ITGA4: variants seen among roughly 807,000 people sequenced by gnomAD.
The protein encoded by ITGA4 is integrin subunit alpha 4.
In ITGA4, 63 loss-of-function variants were observed where a neutral mutation model predicts 133.6. The observed-to-expected ratio is 0.47, with a 90% CI of 0.38 to 0.58. The LOEUF is 0.58. Ranked by LOEUF, ITGA4 falls within the 20% of genes least tolerant of loss-of-function variation. ITGA4 has a pLI of 0.00. For missense variants in ITGA4, 1,076 were observed against 1,252.7 expected (o/e 0.86, Z 2.13); for synonymous variants, 483 against 438.0 (o/e 1.10, Z -1.28).
In ITGA4 at chr2:181,480,014, G is replaced by C. The variant is rs573043241; in HGVS notation, c.625-123G>C. On this transcript the variant is annotated intron_variant, in intron 5 of 27. Coordinates refer to ENST00000397033, the MANE Select transcript of ITGA4 (RefSeq NM_000885.6). ...TTTCCTAGTATGTTTTAACTTCACA[G>C]AATATTCCTACTTCAGGAATTGATT... 1.5e-4 allele frequency: 85 copies of C among 574,986 alleles called. No individual in the cohort carries two copies. In the South Asian group the frequency reaches 3.9e-3, roughly 26 times the overall value. The allele number at this position is 574,986 out of a possible 1,614,324, so 35.6% of individuals were successfully genotyped here.
At chr2:181,496,070 C>A in intron 14 of ITGA4, 133 bp downstream of exon 14, 1 of 818,294 alleles carries the variant, frequency 1.2e-6, no homozygotes, top group Non-Finnish European at 2.0e-6. Flanking sequence ...CTACCTGATG[C>A]ATGCTTTTCC....
chr2:181,481,740 A>C, intron 7 of ITGA4, 57 bp downstream of exon 7: 3 of 767,804 alleles, frequency 3.9e-6, no homozygotes, highest in Admixed American at 4.2e-5. Flanking sequence ...TATTGCATGA[A>C]TAAGATATTA....
At chr2:181,496,049 G>A (rs1455974889) in intron 14 of ITGA4, 112 bp downstream of exon 14, 4 of 1,063,430 alleles carry the variant, frequency 3.8e-6, no homozygotes, top group Middle Eastern at 2.3e-4. Context: ...CTTTAGAGCG[G>A]GGGAGAGAAG....
chr2:181,485,292 C>A (rs1197294569), intron 9 of ITGA4, among the ~76,000 whole-genome samples: 1 of 152,112 alleles, frequency 6.6e-6, no homozygotes, highest in African/African-American at 2.4e-5. Flanking sequence ...GAGCCAAATT[C>A]TTTGGAATTT....
At position 181,495,534 on chromosome 2, in the gene ITGA4, G is replaced by C. The variant is rs1450641689; in HGVS notation, c.1385+118G>C. ...CATGATGCTCTTTTGGTATTCTGAA[G>C]CTTAATTATTGATTTTTAGGGTATT... is the stretch of plus-strand genomic sequence containing the variant. On this transcript the variant is annotated intron_variant, in intron 13 of 27. Transcript: ENST00000397033. The surrounding 1 kb of genome is among the most constrained non-coding windows in gnomAD (Gnocchi z 4.3). 2 of 806,386 alleles carry C rather than the reference G, an allele frequency of 2.5e-6. No individual in the cohort carries two copies. The highest frequency in any genetic ancestry group is 1.7e-5 in the African/African-American group (1 of 58,068). The allele number at this position is 806,386 out of a possible 1,614,324, so 50.0% of individuals were successfully genotyped here.
chr2:181,476,760 A>G (rs1286788372), intron 4 of ITGA4, among the ~76,000 whole-genome samples: 1 of 152,206 alleles, frequency 6.6e-6, no homozygotes, highest in Non-Finnish European at 1.5e-5. Context: ...ACTGTGATAC[A>G]TACACACTGT....
chr2:181,482,374 C>A lies in ITGA4; in HGVS notation c.855C>A (p.Ser285Arg), dbSNP rs754431739. 6 of 1,611,696 alleles carry A rather than the reference C, an allele frequency of 3.7e-6. No homozygotes were observed. The highest frequency in any genetic ancestry group is 4.2e-6 in the Non-Finnish European group (5 of 1,178,676). ...HEQIGKAYIFSIDEKELNILH... is the reference protein window; with the variant it reads ...HEQIGKAYIFRIDEKELNILH... ...CCTAATTACAGGCATATATATTCAGCATTGATGAAAAAGAACTAAATATCT... is the reference window on the plus strand; with the variant it reads ...CCTAATTACAGGCATATATATTCAGAATTGATGAAAAAGAACTAAATATCT... Residue 285 changes from serine to arginine, a missense_variant, in exon 8 of 28, where the codon AGC becomes AGA. Ser to Arg is a moderately radical substitution (Grantham distance 110). This residue lies in a region of ITGA4 where 436 missense variants were observed against 590.7 expected (regional missense o/e 0.74). Transcript: ENST00000397033.
rs546949277 is a variant in ITGA4, at chr2:181,507,532, A to G, written c.1696-2126A>G. Among the ~76,000 whole-genome samples, 37 of 152,212 alleles carry G rather than the reference A, an allele frequency of 2.4e-4. 1 individual carries two copies. In the South Asian group the frequency reaches 3.7e-3, roughly 15 times the overall value. On this transcript the variant is annotated intron_variant, in intron 15 of 27. Coordinates refer to ENST00000397033, the MANE Select transcript of ITGA4 (RefSeq NM_000885.6). ...GTGTTTTATATGCTACCTGATTTTC[A>G]TATACATTTGCCCTGCAGTAACCCT...
At chr2:181,534,992 C>T in intron 27 of ITGA4, 57 bp downstream of exon 27, 1 of 1,495,768 alleles carries the variant, frequency 6.7e-7, no homozygotes, top group Admixed American at 2.5e-5. Context: ...TTCTCAAAGC[C>T]AATTTGACTT....
chr2:181,478,005 T>G (rs1553504555), intron 4 of ITGA4, among the ~76,000 whole-genome samples: 2 of 152,104 alleles, frequency 1.3e-5, no homozygotes, highest in Non-Finnish European at 2.9e-5. Context: ...TATACACACA[T>G]ATATACATAA....
chr2:181,508,473 ATCACTTGAGG>A (rs991393078), intron 15 of ITGA4, among the ~76,000 whole-genome samples: 21 of 152,092 alleles, frequency 1.4e-4, no homozygotes, highest in African/African-American at 4.8e-4. Flanking sequence ...AGTGGGGTGG[ATCACTTGAGG>A]TCAGGAATTT....
At position 181,535,470 on chromosome 2, in the gene ITGA4, A is replaced by C. The variant is rs747928304; in HGVS notation, c.3042A>C (p.Gln1014His). 4 of 1,605,268 alleles carry C rather than the reference A, an allele frequency of 2.5e-6. No individual in the cohort carries two copies. The African/African-American group carries it at 5.4e-5, about 21-fold the overall frequency. ...FFKRQYKSIL[Q>H]EENRRDSWSY... ...AAAGACAATACAAATCTATCCTACA[A>C]GAAGAAAACAGAAGAGACAGTTGGA... The change falls in exon 28 of 28, where the codon CAA becomes CAC. Residue 1014 changes from glutamine to histidine, a missense_variant. By Grantham distance (24) the Gln-to-His change is conservative (BLOSUM62 0). This residue lies in a region of ITGA4 where 193 missense variants were observed against 172.3 expected (regional missense o/e 1.12). Transcript: ENST00000397033.
At chr2:181,506,035 C>T (rs538415823) in intron 15 of ITGA4, among the ~76,000 whole-genome samples, 5 of 152,064 alleles carry the variant, frequency 3.3e-5, no homozygotes, top group Non-Finnish European at 7.4e-5. Context: ...TTGAGATGAT[C>T]ACTTACCAAG....
chr2:181,490,983 CATTT>C (rs1686040289), intron 10 of ITGA4, among the ~76,000 whole-genome samples: 2 of 152,162 alleles, frequency 1.3e-5, no homozygotes, highest in Admixed American at 1.3e-4. Context: ...GCTTGGAAAA[CATTT>C]ATTGTATATA....
intron 17 of ITGA4, among the ~76,000 whole-genome samples, chr2:181,512,117 T>C (rs1686518794): frequency 6.6e-6 from 1 of 152,104 alleles, no homozygotes; most frequent in Non-Finnish European, 1.5e-5. Flanking sequence ...GTCGTTATTT[T>C]ATAATGGCAA....
chr2:181,524,247 C>G lies in ITGA4; in HGVS notation c.2246C>G (p.Thr749Ser), dbSNP rs200858721. 39 of 1,542,100 alleles carry G rather than the reference C, an allele frequency of 2.5e-5. No homozygotes were observed. Among genetic ancestry groups the G allele is most frequent in the South Asian group, 3.6e-5 (3 of 83,094 alleles). The change falls in exon 20 of 28, where the codon ACC becomes AGC. Residue 749 changes from threonine to serine, a missense_variant. Coordinates refer to ENST00000397033, the MANE Select transcript of ITGA4 (RefSeq NM_000885.6). ...GACCTCAGTATCACAGTGCATGCTA[C>G]CTGGTATAATTTATTGTTAATAAAA... ...EEDLSITVHA[T>S]CENEEEMDNL...
At position 181,536,156 on chromosome 2, in the gene ITGA4, A is replaced by G. The variant is rs1377976145; in HGVS notation, c.*629A>G. The G allele has an allele frequency of 6.6e-6, 1 of 151,954 alleles. No individual in the cohort carries two copies. The allele number at this position is 151,954 out of a possible 1,614,324, so 9.4% of individuals were successfully genotyped here. On this transcript the variant is annotated 3_prime_UTR_variant, in exon 28 of 28. Coordinates refer to ENST00000397033, the MANE Select transcript of ITGA4 (RefSeq NM_000885.6). ...GGCAAACTTCAGACTGAACATGTAC[A>G]CTGGTTTGAGCTTAGTGAAATTACT...
intron 15 of ITGA4, among the ~76,000 whole-genome samples, chr2:181,506,683 G>A (rs558466554): frequency 1.3e-5 from 2 of 152,204 alleles, no homozygotes; most frequent in Non-Finnish European, 2.9e-5. Flanking sequence ...TTTATCAAAA[G>A]TTACTATATA....
At chr2:181,474,115 AT>A (rs1481883354) in intron 2 of ITGA4, among the ~76,000 whole-genome samples, 1 of 152,360 alleles carries the variant, frequency 6.6e-6, no homozygotes, top group Non-Finnish European at 1.5e-5. Context: ...AGGATACTGC[AT>A]CTTACTCTTC....
Sources: allele counts gnomAD v4.1 joint callset (sites outside exome capture counted in the v4.1 genomes callset), GRCh38; gene constraint gnomAD v4.1.1; regional missense constraint gnomAD v4.1.1; non-coding constraint Gnocchi (gnomAD v3.1); transcripts MANE v1.5; gene names NCBI Gene and HGNC (gene_info 2026-07-23, HGNC 2026-07-21).